PDLIM1: variants seen among roughly 807,000 people sequenced by gnomAD.
PDLIM1 encodes PDZ and LIM domain protein 1.
Under a neutral mutation model 35.2 loss-of-function variants are expected in PDLIM1, and 25 were observed. The ratio of observed to expected loss-of-function variants is 0.71; its 90% confidence interval spans 0.52 to 0.99. The LOEUF (loss-of-function observed/expected upper bound fraction) is 0.99. Among genes scored for constraint, PDLIM1 ranks in the 50% least tolerant of loss-of-function variants. PDLIM1 has a pLI of 0.00. For synonymous variants in PDLIM1, 152 were observed against 154.0 expected, an observed-to-expected ratio of 0.99 and a Z score of 0.10; for missense variants, 363 against 415.3, an observed-to-expected ratio of 0.87 and a Z score of 1.09.
At chr10:95,277,344 G>A (rs568103076) in intron 1 of PDLIM1, among the ~76,000 whole-genome samples, 11 of 152,192 alleles carry the variant, frequency 7.2e-5, no homozygotes, top group African/African-American at 2.6e-4. Flanking sequence ...ATGGGGACAG[G>A]CACAGTAGCT....
intron 1 of PDLIM1, among the ~76,000 whole-genome samples, chr10:95,277,129 AGCTT>A (rs2133437867): frequency 6.6e-6 from 1 of 151,964 alleles, no homozygotes; most frequent in East Asian, 1.9e-4. Flanking sequence ...GTGGGAGGAT[AGCTT>A]GTACCCAGGA....
chr10:95,279,614 C>T (rs1461833340), intron 1 of PDLIM1, among the ~76,000 whole-genome samples: 1 of 152,204 alleles, frequency 6.6e-6, no homozygotes, highest in Non-Finnish European at 1.5e-5. Flanking sequence ...CTGAGCTCTG[C>T]ATGCTACACA....
In PDLIM1 at chr10:95,238,101, C is replaced by T; in HGVS notation, c.814G>A (p.Val272Met). Residue 272 changes from valine to methionine, a missense_variant, in exon 7 of 7, where the codon GTG (valine) becomes ATG (methionine). Val to Met is a conservative substitution (Grantham distance 21). Transcript: ENST00000329399. ...TGGCGGTGACGGTCCCGCAGCTTCA[C>T]AAACACACCACTACAGAAGCAAGGG... ...KCGTGIVGVF[V>M]KLRDRHRHPE... 6.2e-7 allele frequency: 1 copy of T among 1,613,772 alleles called. No homozygotes were observed. The highest frequency in any genetic ancestry group is 8.5e-7 in the Non-Finnish European group (1 of 1,179,794).
At chr10:95,286,994 C>G (rs1445465782) in intron 1 of PDLIM1, among the ~76,000 whole-genome samples, 9 of 152,248 alleles carry the variant, frequency 5.9e-5, no homozygotes. Flanking sequence ...CCTAAAGCCA[C>G]TGTTCTTCCC....
At chr10:95,265,585 A>T (rs2035407202) in intron 3 of PDLIM1, among the ~76,000 whole-genome samples, 1 of 124,004 alleles carries the variant, frequency 8.1e-6, no homozygotes, top group Non-Finnish European at 1.7e-5. Flanking sequence ...ACGAGAGTGG[A>T]ACTCTGTCAA....
chr10:95,258,614 T>G (rs914519359), intron 4 of PDLIM1, among the ~76,000 whole-genome samples: 1 of 152,170 alleles, frequency 6.6e-6, no homozygotes, highest in Non-Finnish European at 1.5e-5. Context: ...ATATGAGATA[T>G]CTAAAGTAAT....
intron 1 of PDLIM1, among the ~76,000 whole-genome samples, chr10:95,278,306 T>G (rs1217978469): frequency 2.0e-5 from 3 of 152,136 alleles, no homozygotes; most frequent in African/African-American, 7.2e-5. Flanking sequence ...GTTGCGAGGA[T>G]TACATTAGGC....
chr10:95,282,413 C>T (rs2035568501), intron 1 of PDLIM1, among the ~76,000 whole-genome samples: 1 of 152,132 alleles, frequency 6.6e-6, no homozygotes, highest in Admixed American at 6.5e-5. Context: ...CTTGGTTAGT[C>T]TATAACCATT....
intron 4 of PDLIM1, among the ~76,000 whole-genome samples, chr10:95,251,824 C>T (rs879443023): frequency 6.6e-6 from 1 of 152,150 alleles, no homozygotes. Flanking sequence ...GACAGGGCAA[C>T]GGAAGCCACA....
At chr10:95,257,529 T>G (rs1459505913) in intron 4 of PDLIM1, among the ~76,000 whole-genome samples, 1 of 152,032 alleles carries the variant, frequency 6.6e-6, no homozygotes, top group African/African-American at 2.4e-5. Context: ...TAGCCAAAAA[T>G]GATTAACAAG....
At chr10:95,241,885 T>C (rs2035181066) in intron 5 of PDLIM1, among the ~76,000 whole-genome samples, 1 of 152,164 alleles carries the variant, frequency 6.6e-6, no homozygotes, top group South Asian at 2.1e-4. Flanking sequence ...TAAATACAGA[T>C]TACCCACTGC....
intron 6 of PDLIM1, among the ~76,000 whole-genome samples, 155 bp from the exon 7 acceptor site, chr10:95,238,266 C>G (rs538320746): frequency 1.3e-5 from 2 of 152,346 alleles, no homozygotes; most frequent in East Asian, 3.9e-4. Context: ...GGCCTCCAAT[C>G]ATAAGGGACT....
intron 4 of PDLIM1, 64 bp from the exon 5 acceptor site, chr10:95,247,430 A>T: frequency 7.3e-7 from 1 of 1,363,274 alleles, no homozygotes; most frequent in Non-Finnish European, 1.0e-6. Flanking sequence ...TTCACCAGGA[A>T]CCTCCTCCAG....
chr10:95,266,311 T>C (rs2035416693), intron 3 of PDLIM1, among the ~76,000 whole-genome samples: 1 of 152,152 alleles, frequency 6.6e-6, no homozygotes. Context: ...AAATAATATA[T>C]AGTAATTAAA....
chr10:95,258,147 G>A (rs892811050), intron 4 of PDLIM1, among the ~76,000 whole-genome samples: 2 of 152,030 alleles, frequency 1.3e-5, no homozygotes, highest in Non-Finnish European at 2.9e-5. Context: ...TCACTATCAT[G>A]AGAACAACAT....
At chr10:95,277,684 C>T (rs990555697) in intron 1 of PDLIM1, among the ~76,000 whole-genome samples, 5 of 151,476 alleles carry the variant, frequency 3.3e-5, no homozygotes, top group Admixed American at 6.6e-5. Flanking sequence ...GGTTTAGGCA[C>T]AACAATTTCC....
At chr10:95,239,504 G>GA (rs530176338) in intron 5 of PDLIM1, among the ~76,000 whole-genome samples, 72 of 152,202 alleles carry the variant, frequency 4.7e-4, no homozygotes, top group African/African-American at 1.7e-3. Context: ...AAATTTACAA[G>GA]AAAAAAATAA....
At chr10:95,272,694 T>C (rs2035476009) in intron 1 of PDLIM1, among the ~76,000 whole-genome samples, 1 of 149,862 alleles carries the variant, frequency 6.7e-6, no homozygotes, top group South Asian at 2.1e-4. Flanking sequence ...AAATAAAAAT[T>C]TAAAAAAAAA....
intron 2 of PDLIM1, 110 bp from the exon 3 acceptor site, chr10:95,268,972 A>C: frequency 2.7e-6 from 2 of 730,034 alleles, no homozygotes; most frequent in South Asian, 3.2e-5. Flanking sequence ...CTGAACTAGC[A>C]CCCTCCCATC....
Sources: gnomAD v4.1 joint callset for allele counts (sites outside exome capture counted in the v4.1 genomes callset) on GRCh38, gnomAD v4.1.1 for gene constraint, MANE v1.5 for transcripts, NCBI Gene and HGNC (gene_info 2026-07-23, HGNC 2026-07-21) for gene names.